Variants in KIRREL3 observed in about 807,000 individuals in gnomAD.
KIRREL3 encodes the protein kin of IRRE-like protein 3.
A neutral mutation model predicts 89.7 loss-of-function variants in KIRREL3; 36 were observed. The observed-to-expected ratio is 0.40, with a 90% CI of 0.31 to 0.53. KIRREL3 has a LOEUF of 0.53. KIRREL3 is among the 20% of genes least tolerant of loss of function. KIRREL3 has a pLI of 0.49. For missense variants in KIRREL3, 864 were observed against 1,056.6 expected, an observed-to-expected ratio of 0.82 and a Z score of 2.53; for synonymous variants, 445 against 441.4, an observed-to-expected ratio of 1.01 and a Z score of -0.10.
In KIRREL3 at chr11:126,981,940, TC is replaced by T. The variant is rs1949734044; in HGVS notation, c.55+18514del. On this transcript the variant is annotated intron_variant, in intron 1 of 16. Transcript: ENST00000525144. This position sits in a 1 kb window ranked among gnomAD's most constrained non-coding sequence, Gnocchi z 4.2. ...CTATTCAAGTCATTTCAATTTGAAT[TC>T]TATGCATATTATCAGATAGAACAAA... Among the ~76,000 whole-genome samples the T allele has an allele frequency of 6.6e-6, 1 of 152,234 alleles. No individual in the cohort carries two copies. The highest frequency in any genetic ancestry group is 2.4e-5 in the African/African-American group (1 of 41,462).
intron 1 of KIRREL3, among the ~76,000 whole-genome samples, chr11:126,674,238 C>T (rs1183821988): frequency 3.3e-5 from 5 of 152,224 alleles, no homozygotes; most frequent in Admixed American, 3.3e-4. Flanking sequence ...TTCTGCTTCT[C>T]TGTGAGATTC....
rs546017956 is a variant in KIRREL3, at chr11:126,996,617, T to C, written c.55+3838A>G. ...TACCCTTCTGTCTACGAGATGCCTT[T>C]CTATTCCCTAGGAGATTCAGATCAC... On this transcript the variant is annotated intron_variant, in intron 1 of 16. Coordinates refer to ENST00000525144, the MANE Select transcript of KIRREL3 (RefSeq NM_032531.4). The surrounding 1 kb of genome is among the most constrained non-coding windows in gnomAD (Gnocchi z 4.7). Among the ~76,000 whole-genome samples the C allele has an allele frequency of 1.3e-5, 2 of 152,294 alleles. No individual in the cohort carries two copies. The highest frequency in any genetic ancestry group is 2.1e-4 in the South Asian group (1 of 4,818).
intron 1 of KIRREL3, among the ~76,000 whole-genome samples, chr11:126,775,813 C>T (rs569157256): frequency 1.6e-4 from 25 of 152,208 alleles, no homozygotes; most frequent in African/African-American, 6.0e-4. Flanking sequence ...GGGTGTGGAG[C>T]TGGGGTTTGA....
rs2134777793 is a variant in KIRREL3, at chr11:126,892,432, G to A, written c.55+108023C>T. On this transcript the variant is annotated intron_variant, in intron 1 of 16. Coordinates refer to ENST00000525144, the MANE Select transcript of KIRREL3 (RefSeq NM_032531.4). This position sits in a 1 kb window ranked among gnomAD's most constrained non-coding sequence, Gnocchi z 5.4. ...TACCATTTAGGATATGCTCAGGAGGGGCCCTGGGAGAGGCACAAGTGGCAG... is the reference window on the plus strand; with the variant it reads ...TACCATTTAGGATATGCTCAGGAGGAGCCCTGGGAGAGGCACAAGTGGCAG... Among the ~76,000 whole-genome samples, 1 of 152,208 alleles carries A rather than the reference G, an allele frequency of 6.6e-6. No homozygotes were observed. The highest frequency in any genetic ancestry group is 1.9e-4 in the East Asian group (1 of 5,170).
intron 4 of KIRREL3, among the ~76,000 whole-genome samples, chr11:126,478,482 TTC>T (rs1485308207): frequency 1.3e-5 from 2 of 152,184 alleles, no homozygotes; most frequent in Non-Finnish European, 2.9e-5. Context: ...GGGCTTTGGC[TTC>T]TGAGGTCAGC....
chr11:126,482,278 A>G (rs1454154809), intron 4 of KIRREL3, among the ~76,000 whole-genome samples: 1 of 152,128 alleles, frequency 6.6e-6, no homozygotes, highest in Non-Finnish European at 1.5e-5. Context: ...ACCTCAGGTG[A>G]TCCACCTGCC....
chr11:126,949,402 C>T (rs1464662050), intron 1 of KIRREL3, among the ~76,000 whole-genome samples: 1 of 152,182 alleles, frequency 6.6e-6, no homozygotes, highest in Non-Finnish European at 1.5e-5. Flanking sequence ...GCTTTGGACC[C>T]TCGCATCCTT....
rs1591802159 is a variant in KIRREL3, at chr11:126,601,767, C to A, written c.56-38855G>T. Among the ~76,000 whole-genome samples the A allele has an allele frequency of 6.6e-6, 1 of 152,160 alleles. No individual in the cohort carries two copies. Among genetic ancestry groups the A allele is most frequent in the South Asian group, 2.1e-4 (1 of 4,828 alleles). ...CCTGGACGCCTATTTGGAGTTTCATCCCCCTGAATTCCATCCCCTGCCGCG... is the reference window on the plus strand; with the variant it reads ...CCTGGACGCCTATTTGGAGTTTCATACCCCTGAATTCCATCCCCTGCCGCG... On this transcript the variant is annotated intron_variant, in intron 1 of 16. Transcript: ENST00000525144. The surrounding 1 kb of genome is among the most constrained non-coding windows in gnomAD (Gnocchi z 5.8).
chr11:126,737,388 G>C (rs1948838143), intron 1 of KIRREL3, among the ~76,000 whole-genome samples: 1 of 152,010 alleles, frequency 6.6e-6, no homozygotes, highest in South Asian at 2.1e-4. Context: ...GGAGTGAACT[G>C]TCCCCCCTCC....
intron 2 of KIRREL3, chr11:126,543,966 C>A (rs1437990966): frequency 6.6e-6 from 1 of 152,442 alleles, no homozygotes; most frequent in African/African-American, 2.4e-5. Flanking sequence ...CAAGGAGGAC[C>A]AGCCGGTACC....
At chr11:126,451,065 A>C (rs1459855736) in intron 7 of KIRREL3, among the ~76,000 whole-genome samples, 1 of 111,364 alleles carries the variant, frequency 9.0e-6, no homozygotes, top group Non-Finnish European at 1.9e-5. Flanking sequence ...GTGTGCATGC[A>C]TGTGCATGTG....
At position 126,653,746 on chromosome 11, in the gene KIRREL3, C is replaced by T. The variant is rs1945005876; in HGVS notation, c.56-90834G>A. Among the ~76,000 whole-genome samples, 1 of 152,184 alleles carries T rather than the reference C, an allele frequency of 6.6e-6. No homozygotes were observed. The highest frequency in any genetic ancestry group is 2.1e-4 in the South Asian group (1 of 4,824). ...GGCTGAGGCCAAGCCCCAAAGTTCA[C>T]GGACATTCCATAAAAAGTGCACGGT... is the stretch of plus-strand genomic sequence containing the variant. On this transcript the variant is annotated intron_variant, in intron 1 of 16. Transcript: ENST00000525144. The surrounding 1 kb of genome is among the most constrained non-coding windows in gnomAD (Gnocchi z 5.4).
rs77829376 is a variant in KIRREL3, at chr11:126,719,974, C to T, written c.56-157062G>A. ...TTAGGGTCAGGGTGTGGTCCCTCTG[C>T]CTCTGATTTCAGCTCCTACTCATCC... On this transcript the variant is annotated intron_variant, in intron 1 of 16. Coordinates refer to ENST00000525144, the MANE Select transcript of KIRREL3 (RefSeq NM_032531.4). This position sits in a 1 kb window ranked among gnomAD's most constrained non-coding sequence, Gnocchi z 4.7. 7.7e-3 allele frequency among the ~76,000 whole-genome samples: 1,166 copies of T among 152,312 alleles called. 17 individuals are homozygous for T. The highest frequency in any genetic ancestry group is 0.027 in the African/African-American group (1,131 of 41,560).
At chr11:126,514,564 A>G (rs1958340246) in intron 4 of KIRREL3, among the ~76,000 whole-genome samples, 1 of 152,218 alleles carries the variant, frequency 6.6e-6, no homozygotes, top group Non-Finnish European at 1.5e-5. Context: ...CTAGCAGCCA[A>G]TGCTGCTATG....
At chr11:126,658,728 A>G (rs759802284) in intron 1 of KIRREL3, among the ~76,000 whole-genome samples, 1 of 152,166 alleles carries the variant, frequency 6.6e-6, no homozygotes, top group African/African-American at 2.4e-5. Flanking sequence ...TGTTGCCTCT[A>G]GGCTTTTCTT....
chr11:126,432,886 C>G lies in KIRREL3; in HGVS notation c.1589-1360G>C, dbSNP rs957812340. On this transcript the variant is annotated intron_variant, in intron 13 of 16. Coordinates refer to ENST00000525144, the MANE Select transcript of KIRREL3 (RefSeq NM_032531.4). The surrounding 1 kb of genome is among the most constrained non-coding windows in gnomAD (Gnocchi z 6.2). ...GAAGGGGTCACCAGCAGTTCACGGT[C>G]TTTTATTTTTGGGATGGAGTCTGGC... Among the ~76,000 whole-genome samples the G allele has an allele frequency of 6.6e-6, 1 of 152,072 alleles. No individual in the cohort carries two copies. Among genetic ancestry groups the G allele is most frequent in the African/African-American group, 2.4e-5 (1 of 41,412 alleles).
rs1369366532 is a variant in KIRREL3 at position 126,776,525 on chromosome 11, T to C, written c.56-213613A>G. ...TGGCTGCAGACAGGTCTCTACTAGG[T>C]GTCAGAGCCGTCGGTAGGGTTAATG... On this transcript the variant is annotated intron_variant, in intron 1 of 16. Transcript: ENST00000525144. This position sits in a 1 kb window ranked among gnomAD's most constrained non-coding sequence, Gnocchi z 4.7. 2.6e-5 allele frequency among the ~76,000 whole-genome samples: 4 copies of C among 152,120 alleles called. No homozygotes were observed. The highest frequency in any genetic ancestry group is 4.4e-5 in the Non-Finnish European group (3 of 68,026).
intron 16 of KIRREL3, 60 bp downstream of exon 16, chr11:126,425,578 G>A (rs1297086469): frequency 1.5e-6 from 2 of 1,368,836 alleles, no homozygotes; most frequent in Admixed American, 2.0e-5. Context: ...TGGGGTTTGG[G>A]CCATCAGAGC....
chr11:126,514,660 T>C (rs1324746293), intron 4 of KIRREL3, among the ~76,000 whole-genome samples: 1 of 152,230 alleles, frequency 6.6e-6, no homozygotes, highest in Admixed American at 6.5e-5. Context: ...TGAAAGCAGT[T>C]ATGATTATTT....
Sources: gnomAD v4.1 joint callset for allele counts (sites outside exome capture counted in the v4.1 genomes callset) on GRCh38, gnomAD v4.1.1 for gene constraint, Gnocchi (gnomAD v3.1) non-coding constraint, MANE v1.5 for transcripts, NCBI Gene and HGNC (gene_info 2026-07-23, HGNC 2026-07-21) for gene names.